Variants in ASXL3 observed in about 807,000 individuals in gnomAD.
ASXL3 encodes ASXL transcriptional regulator 3.
A neutral mutation model predicts 170.6 loss-of-function variants in ASXL3; 34 were observed. That is an observed-to-expected ratio of 0.20 (90% confidence interval 0.15 to 0.27). The LOEUF (loss-of-function observed/expected upper bound fraction) is 0.27, where lower values mean the gene tolerates loss of function less well. Among genes scored for constraint, ASXL3 ranks in the 10% least tolerant of loss-of-function variants. ASXL3 has a pLI of 1.00. For synonymous variants in ASXL3, 1,002 were observed against 989.1 expected (o/e 1.01, Z -0.24); for missense variants, 2,592 against 2,695.3 (o/e 0.96, Z 0.85).
At chr18:33,658,269 GTCCT>G (rs2066114174) in intron 4 of ASXL3, among the ~76,000 whole-genome samples, 1 of 152,086 alleles carries the variant, frequency 6.6e-6, no homozygotes, top group Non-Finnish European at 1.5e-5. Context: ...TTTAAAATGA[GTCCT>G]TCATTATTTA....
intron 8 of ASXL3, among the ~76,000 whole-genome samples, chr18:33,692,020 A>G (rs1442334748): frequency 1.3e-5 from 2 of 152,228 alleles, no homozygotes; most frequent in Non-Finnish European, 2.9e-5. Context: ...AAGTAAAACC[A>G]TGGGAGTGAG....
chr18:33,606,144 T>A (rs2065245874), intron 1 of ASXL3, among the ~76,000 whole-genome samples: 1 of 151,974 alleles, frequency 6.6e-6, no homozygotes, highest in Admixed American at 6.6e-5. Flanking sequence ...ATTGCCTTTT[T>A]TCCAATATAT....
chr18:33,604,029 A>G (rs2145117840), intron 1 of ASXL3, among the ~76,000 whole-genome samples: 1 of 152,154 alleles, frequency 6.6e-6, no homozygotes, highest in South Asian at 2.1e-4. Flanking sequence ...ACTGTTTTTG[A>G]GGAAATGAAT....
chr18:33,602,748 C>A (rs780329221), intron 1 of ASXL3, among the ~76,000 whole-genome samples: 13 of 150,754 alleles, frequency 8.6e-5, no homozygotes, highest in Non-Finnish European at 1.5e-4. Context: ...CAGCTTTGTA[C>A]ATCTCAGAGA....
At chr18:33,612,905 G>A (rs761673949) in intron 2 of ASXL3, among the ~76,000 whole-genome samples, 13 of 152,062 alleles carry the variant, frequency 8.5e-5, no homozygotes, top group African/African-American at 3.1e-4. Flanking sequence ...GTTTGTTTGT[G>A]TTGGGCATTT....
chr18:33,730,025 C>G (rs148929564), intron 8 of ASXL3, among the ~76,000 whole-genome samples: 351 of 152,230 alleles, frequency 2.3e-3, no homozygotes, highest in African/African-American at 8.2e-3. Flanking sequence ...ATGAATAATA[C>G]AAAGTAACCA....
At chr18:33,742,004 G>T (rs2067672412) in intron 11 of ASXL3, among the ~76,000 whole-genome samples, 1 of 152,188 alleles carries the variant, frequency 6.6e-6, no homozygotes, top group South Asian at 2.1e-4. Context: ...TAATTACCAA[G>T]AATTGGTAAA....
chr18:33,671,481 C>T (rs2066340922), intron 6 of ASXL3, among the ~76,000 whole-genome samples: 1 of 152,118 alleles, frequency 6.6e-6, no homozygotes, highest in South Asian at 2.1e-4. Flanking sequence ...TACAAAAGAC[C>T]TGACTCTATT....
chr18:33,706,151 T>C (rs1001455302), intron 8 of ASXL3, among the ~76,000 whole-genome samples: 3 of 151,654 alleles, frequency 2.0e-5, no homozygotes, highest in Non-Finnish European at 4.4e-5. Flanking sequence ...GCTGTACTTT[T>C]AGGAACATTG....
In ASXL3 at chr18:33,745,225, G is replaced by C; in HGVS notation, c.5377G>C (p.Glu1793Gln). The change falls in exon 12 of 12, where the codon GAG (glutamate) becomes CAG (glutamine). Residue 1793 changes from glutamate to glutamine, a missense_variant. By Grantham distance (29) the Glu-to-Gln change is conservative (BLOSUM62 2). This residue lies in a region of ASXL3 where 2,246 missense variants were observed against 2,219.6 expected (regional missense o/e 1.01). Transcript: ENST00000269197. ...TACCTCAGTGGGTAAAACAGCACCA[G>C]AGAGAAACGTTGAAATTCCGCCCAG... The part of the protein sequence containing the change: ...QTTSVGKTAP[E>Q]RNVEIPPSSP... The C allele has an allele frequency of 6.2e-7, 1 of 1,614,018 alleles. No individual in the cohort carries two copies.
At chr18:33,582,802 T>C (rs530574880) in intron 1 of ASXL3, among the ~76,000 whole-genome samples, 5 of 152,062 alleles carry the variant, frequency 3.3e-5, no homozygotes, top group African/African-American at 9.6e-5. Flanking sequence ...TTCACCTCAT[T>C]GTTGGAAGAA....
intron 4 of ASXL3, among the ~76,000 whole-genome samples, chr18:33,653,586 C>G (rs780778355): frequency 4.6e-5 from 7 of 152,090 alleles, no homozygotes; most frequent in Non-Finnish European, 8.8e-5. Flanking sequence ...CCCACTCTTT[C>G]TCCTTCTCCT....
Position 33,713,239 on chromosome 18 carries a change from TTTTGTTTTG to T in ASXL3, c.880-18725_880-18717del, listed in dbSNP as rs1568343422. Among the ~76,000 whole-genome samples, 157 of 53,408 alleles carry T rather than the reference TTTTGTTTTG, an allele frequency of 2.9e-3. 33 individuals carry two copies. The highest frequency in any genetic ancestry group is 5.5e-3 in the East Asian group (5 of 910). 35.0% of individuals were successfully genotyped at this position (53,408 alleles called of 152,430 possible). A position where few individuals can be genotyped will look rare whatever the true frequency, so the allele number is the denominator to read the frequency against. On this transcript the variant is annotated intron_variant, in intron 8 of 11. Coordinates refer to ENST00000269197, the MANE Select transcript of ASXL3 (RefSeq NM_030632.3). ...ATCTACCACAAGAAGGTTTTTTTTG[TTTTGTTTTG>T]TTTTTTTTTTTTTTTTTTTTTTTTT...
intron 8 of ASXL3, among the ~76,000 whole-genome samples, chr18:33,686,852 CA>C: frequency 6.6e-6 from 1 of 152,168 alleles, no homozygotes; most frequent in East Asian, 1.9e-4. Context: ...GAAGAGAATC[CA>C]AAGGATAAAT....
At chr18:33,613,837 A>C (rs1372061500) in intron 2 of ASXL3, among the ~76,000 whole-genome samples, 2 of 152,104 alleles carry the variant, frequency 1.3e-5, no homozygotes. Context: ...AAGCAGGAGG[A>C]TCACTTGAGC....
rs762464543 is a variant in ASXL3 at position 33,738,602 on chromosome 18, T to G, written c.1198T>G (p.Leu400Val). The change falls in exon 11 of 12, where the codon TTG becomes GTG. Residue 400 changes from leucine (L) to valine (V), a missense_variant. Physicochemically the swap from Leu to Val is conservative, Grantham distance 32 (BLOSUM62 1). Transcript: ENST00000269197. Reference sequence around the variant, plus strand: ...CCTTCCAGTTTCTGCACAGACAGCCTTGGCAGAACAACAGCCAAAAAGCAT... The same window carrying G: ...CCTTCCAGTTTCTGCACAGACAGCCGTGGCAGAACAACAGCCAAAAAGCAT... ...SGLPVSAQTA[L>V]AEQQPKSMKS... 6.8e-6 allele frequency: 11 copies of G among 1,613,934 alleles called. No homozygotes were observed. Among genetic ancestry groups the G allele is most frequent in the Non-Finnish European group, 6.8e-6 (8 of 1,179,854 alleles).
At chr18:33,721,264 A>G (rs1258379817) in intron 8 of ASXL3, among the ~76,000 whole-genome samples, 1 of 152,048 alleles carries the variant, frequency 6.6e-6, no homozygotes, top group Non-Finnish European at 1.5e-5. Flanking sequence ...GATCAGGAGG[A>G]TAGTTCTCGT....
chr18:33,619,245 GT>G (rs1440993171), intron 2 of ASXL3, among the ~76,000 whole-genome samples: 1 of 152,020 alleles, frequency 6.6e-6, no homozygotes, highest in Non-Finnish European at 1.5e-5. Flanking sequence ...TGTGGCCTAA[GT>G]CTAATAAAAC....
intron 1 of ASXL3, among the ~76,000 whole-genome samples, chr18:33,606,436 C>A (rs1169260776): frequency 1.3e-5 from 2 of 151,890 alleles, no homozygotes; most frequent in Non-Finnish European, 2.9e-5. Context: ...TTAGGATGGG[C>A]AGGCTGTGTG....
Sources: gnomAD v4.1 joint callset for allele counts (sites outside exome capture counted in the v4.1 genomes callset) on GRCh38, gnomAD v4.1.1 for gene constraint, gnomAD v4.1.1 regional missense constraint, MANE v1.5 for transcripts, NCBI Gene and HGNC (gene_info 2026-07-23, HGNC 2026-07-21) for gene names.